Variants in PTPRG observed in about 807,000 individuals in gnomAD.
The protein encoded by PTPRG is receptor-type tyrosine-protein phosphatase gamma.
In PTPRG, 102 loss-of-function variants were observed where a neutral mutation model predicts 165.3. The observed-to-expected ratio is 0.62, with a 90% confidence interval of 0.53 to 0.73. The LOEUF is 0.73. Ranked by LOEUF, PTPRG falls within the 30% of genes least tolerant of loss-of-function variation. The pLI, the probability that PTPRG is intolerant of heterozygous loss-of-function variation, is 0.00. For missense variants in PTPRG, 1,866 were observed against 1,861.4 expected (o/e 1.00, Z -0.05); for synonymous variants, 675 against 669.5 (o/e 1.01, Z -0.13).
Position 62,190,227 on chromosome 3 carries a change from G to C in PTPRG, c.1034-1242G>C, listed in dbSNP as rs1237707524. ...TGTCACAAGTTGAGGACGGGGAGCA[G>C]AGCTACTGGCATCTAGCAGATGGAG... On this transcript the variant is annotated intron_variant, in intron 8 of 29. Transcript: ENST00000474889. The surrounding 1 kb of genome is among the most constrained non-coding windows in gnomAD (Gnocchi z 5.2). Among the ~76,000 whole-genome samples the C allele has an allele frequency of 1.3e-5, 2 of 152,180 alleles. No homozygotes were observed. The highest frequency in any genetic ancestry group is 2.9e-5 in the Non-Finnish European group (2 of 68,034).
intron 5 of PTPRG, among the ~76,000 whole-genome samples, chr3:62,085,805 G>C: frequency 6.6e-6 from 1 of 152,078 alleles, no homozygotes; most frequent in Non-Finnish European, 1.5e-5. Flanking sequence ...TGTTCACTCT[G>C]CATATTTCTT....
chr3:62,219,811 T>C lies in PTPRG; in HGVS notation c.2288+828T>C, dbSNP rs1217921311. Among the ~76,000 whole-genome samples the C allele has an allele frequency of 6.6e-6, 1 of 152,140 alleles. No homozygotes were observed. The highest frequency in any genetic ancestry group is 2.4e-5 in the African/African-American group (1 of 41,430). Reference sequence around the variant, plus strand: ...TAGACACAAATGATTTCTGAAGAAGTGAGTAAAACAGATAAGAATCCTTAC... The same window carrying C: ...TAGACACAAATGATTTCTGAAGAAGCGAGTAAAACAGATAAGAATCCTTAC... On this transcript the variant is annotated intron_variant, in intron 13 of 29. Coordinates refer to ENST00000474889, the MANE Select transcript of PTPRG (RefSeq NM_002841.4). The surrounding 1 kb of genome is among the most constrained non-coding windows in gnomAD (Gnocchi z 4.5).
At chr3:62,120,834 A>G (rs116132954) in intron 5 of PTPRG, among the ~76,000 whole-genome samples, 2,242 of 152,278 alleles carry the variant, frequency 0.015, 45 homozygotes, top group African/African-American at 0.05. Context: ...TCAGGACTCA[A>G]AAATGATTGA....
chr3:61,786,178 A>G (rs75677239), intron 2 of PTPRG, among the ~76,000 whole-genome samples: 6,010 of 152,270 alleles, frequency 0.039, 309 homozygotes, highest in African/African-American at 0.12. Context: ...TAGAGTAGGT[A>G]GTGTCAGATG....
At chr3:61,817,049 T>TA (rs1175600666) in intron 2 of PTPRG, among the ~76,000 whole-genome samples, 1 of 127,700 alleles carries the variant, frequency 7.8e-6, no homozygotes, top group Admixed American at 9.6e-5. Context: ...ATATATAATA[T>TA]TATATATAAT....
rs375412571 is a variant in PTPRG, at chr3:61,798,619, G to GTTTTTTT, written c.190+49650_190+49656dup. On this transcript the variant is annotated intron_variant, in intron 2 of 29. Transcript: ENST00000474889. ...CAAAGTGCTGTTGTTGTTGCTGCTG[G>GTTTTTTT]TTTTTTTTTTTTTTTTTTTAAACCC... is the stretch of plus-strand genomic sequence containing the variant. Among the ~76,000 whole-genome samples, 24 of 128,130 alleles carry GTTTTTTT rather than the reference G, an allele frequency of 1.9e-4. 1 individual carries two copies. The South Asian group carries it at 6.3e-3, about 33-fold the overall frequency. The allele number at this position is 128,130 out of a possible 152,430, so 84.1% of individuals were successfully genotyped here.
chr3:62,181,500 A>G (rs1227826122), intron 8 of PTPRG, among the ~76,000 whole-genome samples: 1 of 152,112 alleles, frequency 6.6e-6, no homozygotes, highest in African/African-American at 2.4e-5. Flanking sequence ...AGTTCAAACT[A>G]TGCTCAGTAA....
chr3:61,665,997 T>G (rs76440545), intron 1 of PTPRG, among the ~76,000 whole-genome samples: 1 of 133,150 alleles, frequency 7.5e-6, no homozygotes, highest in African/African-American at 2.7e-5. Context: ...TTTTTTTTTT[T>G]GGCCAAGTAA....
In PTPRG at chr3:62,277,067, T is replaced by C; in HGVS notation, c.3636+19T>C. The C allele has an allele frequency of 6.3e-7, 1 of 1,597,090 alleles. No individual in the cohort carries two copies. Among genetic ancestry groups the C allele is most frequent in the South Asian group, 1.1e-5 (1 of 90,180 alleles). ...TATCATGGTGAGAGTCAACAGTTAA[T>C]TATAAATAAAGTCAACTAAACTGAA... On this transcript the variant is annotated intron_variant, in intron 25 of 29. Coordinates refer to ENST00000474889, the MANE Select transcript of PTPRG (RefSeq NM_002841.4).
intron 1 of PTPRG, among the ~76,000 whole-genome samples, chr3:61,617,581 A>C (rs937431229): frequency 9.2e-5 from 14 of 152,302 alleles, no homozygotes; most frequent in South Asian, 6.2e-4. Context: ...CAACTGAGAA[A>C]GGCTTAATTT....
intron 2 of PTPRG, among the ~76,000 whole-genome samples, chr3:61,897,043 A>T: frequency 6.7e-6 from 1 of 149,330 alleles, no homozygotes; most frequent in East Asian, 2.0e-4. Flanking sequence ...ATCCTGTGTT[A>T]TTTTGTCTTT....
At chr3:61,899,115 T>C (rs2038435122) in intron 2 of PTPRG, among the ~76,000 whole-genome samples, 1 of 152,146 alleles carries the variant, frequency 6.6e-6, no homozygotes. Context: ...TGGAGTCCCA[T>C]TCTGTTAGCC....
At chr3:61,924,030 C>T (rs192394272) in intron 2 of PTPRG, among the ~76,000 whole-genome samples, 1 of 152,256 alleles carries the variant, frequency 6.6e-6, no homozygotes, top group East Asian at 1.9e-4. Flanking sequence ...TGTATTAGTT[C>T]TTATGCTATA....
rs756123793 is a variant in PTPRG, at chr3:61,647,661, A to G, written c.85+85289A>G. 6.6e-5 allele frequency among the ~76,000 whole-genome samples: 10 copies of G among 152,108 alleles called. 1 individual carries two copies. The highest frequency in any genetic ancestry group is 3.9e-4 in the East Asian group (2 of 5,142). ...AAAAAAATTAGCCGGGCGTGGTGGC[A>G]GGCACCTGTAGTCCCAGCTACTTGG... On this transcript the variant is annotated intron_variant, in intron 1 of 29. Transcript: ENST00000474889.
At chr3:61,661,624 A>G (rs145525710) in intron 1 of PTPRG, among the ~76,000 whole-genome samples, 99 of 152,348 alleles carry the variant, frequency 6.5e-4, no homozygotes, top group African/African-American at 2.1e-3. Flanking sequence ...TTGTATATAA[A>G]TTCTATTCCT....
chr3:61,672,256 G>T (rs1488146921), intron 1 of PTPRG, among the ~76,000 whole-genome samples: 1 of 135,204 alleles, frequency 7.4e-6, no homozygotes, highest in Admixed American at 7.4e-5. Context: ...AGGCAGAGGG[G>T]CTCCTCACAT....
chr3:62,243,403 G>A (rs1157270021), intron 14 of PTPRG, among the ~76,000 whole-genome samples: 1 of 152,096 alleles, frequency 6.6e-6, no homozygotes, highest in African/African-American at 2.4e-5. Flanking sequence ...GTTGGAAGGG[G>A]ATATAAGGTG....
At chr3:61,787,277 G>A (rs979063503) in intron 2 of PTPRG, among the ~76,000 whole-genome samples, 3 of 152,196 alleles carry the variant, frequency 2.0e-5, no homozygotes, top group Non-Finnish European at 2.9e-5. Context: ...TCCTGTAAAT[G>A]ATTAAGGATA....
At chr3:62,054,993 G>A (rs935323797) in intron 4 of PTPRG, among the ~76,000 whole-genome samples, 1 of 152,198 alleles carries the variant, frequency 6.6e-6, no homozygotes, top group African/African-American at 2.4e-5. Context: ...AATTCATGTA[G>A]CAGGTAGCAC....
Sources: allele counts gnomAD v4.1 joint callset (sites outside exome capture counted in the v4.1 genomes callset), GRCh38; gene constraint gnomAD v4.1.1; non-coding constraint Gnocchi (gnomAD v3.1); transcripts MANE v1.5; gene names NCBI Gene and HGNC (gene_info 2026-07-23, HGNC 2026-07-21).